USH2A: variants seen among roughly 807,000 people sequenced by gnomAD.
USH2A encodes the protein usherin, also known as Usher syndrome 2A (autosomal recessive, mild).
In USH2A, 443 loss-of-function variants were observed where a neutral mutation model predicts 538.9. That is an observed-to-expected ratio of 0.82 (90% CI 0.76 to 0.89). USH2A has a LOEUF of 0.89. Ranked by LOEUF, USH2A falls within the 40% of genes least tolerant of loss-of-function variation. The pLI, the probability that USH2A is intolerant of heterozygous loss-of-function variation, is 0.00. For synonymous variants in USH2A, 2,413 were observed against 2,273.5 expected (o/e 1.06, Z -1.75); for missense variants, 6,633 against 6,324.8 (o/e 1.05, Z -1.65).
At chr1:216,316,675 G>A (rs1012933739) in intron 9 of USH2A, among the ~76,000 whole-genome samples, 8 of 152,016 alleles carry the variant, frequency 5.3e-5, no homozygotes, top group Non-Finnish European at 1.2e-4. Flanking sequence ...TTTAATAATC[G>A]CCATTCTGAC....
intron 32 of USH2A, among the ~76,000 whole-genome samples, chr1:216,032,222 A>G (rs1300152147): frequency 2.0e-5 from 3 of 152,120 alleles, no homozygotes; most frequent in Non-Finnish European, 2.9e-5. Flanking sequence ...GATGTTTTGC[A>G]TTAAGAATAT....
At position 216,217,287 on chromosome 1, in the gene USH2A, A is replaced by T. The variant is rs947500552; in HGVS notation, c.3157+100T>A. ...TACCTACGTTCTTCACATTGTACTA[A>T]GCCTTTCTGATGGGTTCTAAATGGA... On this transcript the variant is annotated intron_variant, in intron 15 of 71. Coordinates refer to ENST00000307340, the MANE Select transcript of USH2A (RefSeq NM_206933.4). 3.4e-6 allele frequency: 5 copies of T among 1,476,844 alleles called. No homozygotes were observed. The African/African-American group carries it at 7.0e-5, about 21-fold the overall frequency. The allele number at this position is 1,476,844 out of a possible 1,614,324, so 91.5% of individuals were successfully genotyped here.
intron 30 of USH2A, 135 bp from the exon 31 acceptor site, chr1:216,048,782 A>G (rs2030634899): frequency 2.5e-6 from 2 of 807,324 alleles, no homozygotes; most frequent in South Asian, 1.4e-5. Flanking sequence ...AATCAAAAAC[A>G]TATTCCTCTT....
At chr1:215,781,924 A>T in intron 54 of USH2A, 118 bp downstream of exon 54, 1 of 1,394,528 alleles carries the variant, frequency 7.2e-7, no homozygotes. Flanking sequence ...CACGCTACTT[A>T]ACACCACTTT....
chr1:216,327,507 T>C, intron 5 of USH2A, 84 bp downstream of exon 5: 1 of 1,484,330 alleles, frequency 6.7e-7, no homozygotes, highest in Middle Eastern at 1.7e-4. Flanking sequence ...TAAAAAATGG[T>C]ATAATCTACA....
At chr1:216,394,851 T>C (rs1477386262) in intron 3 of USH2A, among the ~76,000 whole-genome samples, 2 of 151,126 alleles carry the variant, frequency 1.3e-5, no homozygotes, top group African/African-American at 2.4e-5. Context: ...CCCAAGTAGC[T>C]GGGACTACAG....
intron 49 of USH2A, among the ~76,000 whole-genome samples, chr1:215,805,076 T>C (rs1287930903): frequency 1.3e-5 from 2 of 151,878 alleles, no homozygotes; most frequent in African/African-American, 4.8e-5. Context: ...TAGGTGGGAA[T>C]TGAACAATGA....
chr1:216,209,847 G>C (rs2035200385), intron 15 of USH2A, among the ~76,000 whole-genome samples: 1 of 148,466 alleles, frequency 6.7e-6, no homozygotes, highest in Non-Finnish European at 1.5e-5. Flanking sequence ...GGAGATTTAG[G>C]CTTCAGAAGT....
intron 27 of USH2A, among the ~76,000 whole-genome samples, chr1:216,074,388 C>A (rs1003915947): frequency 1.3e-5 from 2 of 151,986 alleles, no homozygotes; most frequent in Non-Finnish European, 1.5e-5. Flanking sequence ...GCCTCAAACA[C>A]ATGATCAGCT....
At chr1:215,832,940 T>C (rs1558118318) in intron 47 of USH2A, among the ~76,000 whole-genome samples, 1 of 151,932 alleles carries the variant, frequency 6.6e-6, no homozygotes, top group Non-Finnish European at 1.5e-5. Context: ...TGGATTTGAA[T>C]TTGTTTTAAA....
intron 43 of USH2A, among the ~76,000 whole-genome samples, chr1:215,867,600 A>G (rs1664509392): frequency 6.6e-6 from 1 of 152,244 alleles, no homozygotes. Context: ...ATTTTCAAAT[A>G]TCAGAATCCC....
intron 21 of USH2A, among the ~76,000 whole-genome samples, chr1:216,172,838 C>T (rs1306754323): frequency 6.6e-6 from 1 of 152,142 alleles, no homozygotes; most frequent in Non-Finnish European, 1.5e-5. Flanking sequence ...AATTATTTCA[C>T]CTCCTATCCC....
chr1:215,693,595 A>G (rs945953442), intron 61 of USH2A, among the ~76,000 whole-genome samples: 3 of 152,176 alleles, frequency 2.0e-5, no homozygotes, highest in Admixed American at 1.3e-4. Context: ...GATCCCAAAG[A>G]ACTTTTGTTT....
chr1:215,905,862 T>C (rs1665627896), intron 38 of USH2A, among the ~76,000 whole-genome samples: 1 of 152,126 alleles, frequency 6.6e-6, no homozygotes, highest in African/African-American at 2.4e-5. Context: ...TAGGCTTCTC[T>C]GTTAACATTA....
intron 36 of USH2A, among the ~76,000 whole-genome samples, chr1:215,966,501 C>G (rs762766494): frequency 3.9e-5 from 6 of 152,050 alleles, no homozygotes; most frequent in Non-Finnish European, 7.4e-5. Context: ...AATTAGAAAA[C>G]CTTTATTTGT....
chr1:215,683,993 A>T lies in USH2A; in HGVS notation c.12067-3617T>A, dbSNP rs114450203. On this transcript the variant is annotated intron_variant, in intron 61 of 71. Transcript: ENST00000307340. ...ATGTCAGCTACTTTTGTTAGGCAGCAGATGAAGAAGATGACTCAACAAAGA... is the reference window on the plus strand; with the variant it reads ...ATGTCAGCTACTTTTGTTAGGCAGCTGATGAAGAAGATGACTCAACAAAGA... Among the ~76,000 whole-genome samples, 586 of 152,322 alleles carry T rather than the reference A, an allele frequency of 3.8e-3. 4 individuals carry two copies. Among genetic ancestry groups the T allele is most frequent in the African/African-American group, 0.014 (562 of 41,564 alleles).
intron 20 of USH2A, among the ~76,000 whole-genome samples, chr1:216,189,610 A>C (rs2034674042): frequency 6.6e-6 from 1 of 152,158 alleles, no homozygotes; most frequent in South Asian, 2.1e-4. Context: ...ATTATACTTA[A>C]TAACAATTCT....
At chr1:215,860,345 C>T (rs907457269) in intron 44 of USH2A, among the ~76,000 whole-genome samples, 1 of 152,188 alleles carries the variant, frequency 6.6e-6, no homozygotes, top group Admixed American at 6.5e-5. Context: ...TGAGCTAAAT[C>T]TGGCCTGTTG....
chr1:216,119,330 C>T (rs1054841738), intron 21 of USH2A, among the ~76,000 whole-genome samples: 5 of 152,066 alleles, frequency 3.3e-5, no homozygotes, highest in African/African-American at 9.7e-5. Flanking sequence ...CTCTCTGTTT[C>T]TAGGTCCTCC....
Sources: gnomAD v4.1 joint callset for allele counts (sites outside exome capture counted in the v4.1 genomes callset) on GRCh38, gnomAD v4.1.1 for gene constraint, MANE v1.5 for transcripts, NCBI Gene and HGNC (gene_info 2026-07-23, HGNC 2026-07-21) for gene names.